Variants in GRM1 observed in about 807,000 individuals in gnomAD.
The protein encoded by GRM1 is metabotropic glutamate receptor 1.
Under a neutral mutation model 90.9 loss-of-function variants are expected in GRM1, and 33 were observed. That is an observed-to-expected ratio of 0.36 (90% CI 0.28 to 0.49). GRM1 has a LOEUF of 0.49. GRM1 is among the 20% of genes least tolerant of loss of function. The pLI is 0.99. For synonymous variants in GRM1, 700 were observed against 613.2 expected, an observed-to-expected ratio of 1.14 and a Z score of -2.09; for missense variants, 1,190 against 1,534.3, an observed-to-expected ratio of 0.78 and a Z score of 3.75.
intron 2 of GRM1, among the ~76,000 whole-genome samples, chr6:146,300,842 C>T (rs928020877): frequency 4.6e-5 from 7 of 152,260 alleles, no homozygotes; most frequent in South Asian, 4.1e-4. Context: ...TAAGAAAGAT[C>T]CTCTACCAGG....
intron 2 of GRM1, among the ~76,000 whole-genome samples, chr6:146,215,246 A>G (rs77998453): frequency 0.014 from 2,129 of 152,318 alleles, 76 homozygotes; most frequent in East Asian, 0.078. Context: ...AAGAGTGTAA[A>G]GGGATCTCAA....
At chr6:146,090,236 C>T (rs1169665360) in intron 1 of GRM1, among the ~76,000 whole-genome samples, 2 of 152,070 alleles carry the variant, frequency 1.3e-5, no homozygotes, top group Non-Finnish European at 2.9e-5. Flanking sequence ...ACTCTTAAAA[C>T]CTTGCCAGCA....
chr6:146,353,013 C>A (rs1021991381), intron 4 of GRM1, among the ~76,000 whole-genome samples: 4 of 152,148 alleles, frequency 2.6e-5, no homozygotes, highest in African/African-American at 4.8e-5. Flanking sequence ...TGTCTTGGAG[C>A]AAGAAAGGAA....
intron 1 of GRM1, among the ~76,000 whole-genome samples, chr6:146,080,249 AT>A (rs1776319185): frequency 6.6e-6 from 1 of 152,184 alleles, no homozygotes; most frequent in Admixed American, 6.6e-5. Flanking sequence ...GAATGTAAGA[AT>A]TTTATGTACA....
chr6:146,140,083 TTTC>T (rs1562488045), intron 1 of GRM1, among the ~76,000 whole-genome samples: 1 of 137,516 alleles, frequency 7.3e-6, no homozygotes, highest in African/African-American at 2.7e-5. Flanking sequence ...TTCTCCTTTC[TTTC>T]TTTATTCTTT....
chr6:146,408,570 T>A (rs7757416), intron 7 of GRM1, among the ~76,000 whole-genome samples: 1,940 of 152,296 alleles, frequency 0.013, 46 homozygotes, highest in African/African-American at 0.045. Flanking sequence ...ATGAAAGTTC[T>A]TATACTATAC....
At chr6:146,394,162 T>TA (rs1776843472) in intron 6 of GRM1, among the ~76,000 whole-genome samples, 2 of 152,162 alleles carry the variant, frequency 1.3e-5, no homozygotes, top group African/African-American at 4.8e-5. Context: ...GTAAAAACTC[T>TA]AGAAGAAAAC....
intron 7 of GRM1, among the ~76,000 whole-genome samples, chr6:146,419,611 C>T (rs370548209): frequency 2.0e-5 from 3 of 152,184 alleles, no homozygotes; most frequent in Non-Finnish European, 4.4e-5. Context: ...AATTGACCCA[C>T]AGTTCCACAG....
At chr6:146,251,870 G>C (rs1781297056) in intron 2 of GRM1, among the ~76,000 whole-genome samples, 1 of 152,112 alleles carries the variant, frequency 6.6e-6, no homozygotes, top group African/African-American at 2.4e-5. Context: ...ATTCTTACCA[G>C]GATGCCTTTG....
At chr6:146,287,156 T>A (rs1782795847) in intron 2 of GRM1, among the ~76,000 whole-genome samples, 1 of 151,980 alleles carries the variant, frequency 6.6e-6, no homozygotes, top group African/African-American at 2.4e-5. Flanking sequence ...CCAAGAGGAG[T>A]TTCTTTGTAA....
chr6:146,406,474 C>T (rs189199668), intron 7 of GRM1, among the ~76,000 whole-genome samples: 2 of 152,114 alleles, frequency 1.3e-5, no homozygotes, highest in Admixed American at 1.3e-4. Context: ...AAGGTGTGTT[C>T]TTCTGGAATT....
rs558604354 is a variant in GRM1 at position 146,044,001 on chromosome 6, T to C, written c.700+13784T>C. Among the ~76,000 whole-genome samples, 6 of 151,822 alleles carry C rather than the reference T, an allele frequency of 4.0e-5. No individual in the cohort carries two copies. The South Asian group carries it at 1.2e-3, about 32-fold the overall frequency. On this transcript the variant is annotated intron_variant, in intron 1 of 7. Coordinates refer to ENST00000282753, the MANE Select transcript of GRM1 (RefSeq NM_001278064.2). Reference sequence around the variant, plus strand: ...GAAGAATCCTTGAGTGTTGATCACATAACAGAAGAGAATCATACTTTTTCA... The same window carrying C: ...GAAGAATCCTTGAGTGTTGATCACACAACAGAAGAGAATCATACTTTTTCA...
chr6:146,132,746 T>A (rs1383734616), intron 1 of GRM1, among the ~76,000 whole-genome samples: 1 of 152,232 alleles, frequency 6.6e-6, no homozygotes, highest in Non-Finnish European at 1.5e-5. Flanking sequence ...GAAGTCTGTC[T>A]TATTCTTAAC....
At chr6:146,087,374 G>C (rs984174455) in intron 1 of GRM1, among the ~76,000 whole-genome samples, 1 of 152,088 alleles carries the variant, frequency 6.6e-6, no homozygotes, top group Non-Finnish European at 1.5e-5. Flanking sequence ...GTCAAAACCA[G>C]GAAACTAACA....
chr6:146,133,546 T>C (rs931554037), intron 1 of GRM1, among the ~76,000 whole-genome samples: 2 of 152,238 alleles, frequency 1.3e-5, no homozygotes, highest in Non-Finnish European at 2.9e-5. Context: ...CATATTCTTA[T>C]GAAAACTACC....
chr6:146,421,599 AAAG>A (rs557716193), intron 7 of GRM1, among the ~76,000 whole-genome samples: 4 of 152,154 alleles, frequency 2.6e-5, no homozygotes, highest in Non-Finnish European at 5.9e-5. Context: ...TTTTCAAAAG[AAAG>A]AAGATTTTAA....
At position 146,301,546 on chromosome 6, in the gene GRM1, G is replaced by A. The variant is rs77152883; in HGVS notation, c.951-3065G>A. ...TGATGGTGACTTTCTTGTACAGACT[G>A]TAAACAAAACAAATTTCACATCTTA... is the stretch of plus-strand genomic sequence containing the variant. On this transcript the variant is annotated intron_variant, in intron 2 of 7. Transcript: ENST00000282753. Among the ~76,000 whole-genome samples, 31 of 152,184 alleles carry A rather than the reference G, an allele frequency of 2.0e-4. No individual in the cohort carries two copies. The East Asian group carries it at 4.1e-3, about 20-fold the overall frequency.
At chr6:146,067,330 A>ATACC (rs1198444446) in intron 1 of GRM1, among the ~76,000 whole-genome samples, 3 of 152,222 alleles carry the variant, frequency 2.0e-5, no homozygotes, top group Non-Finnish European at 4.4e-5. Flanking sequence ...CTGTGAAGGT[A>ATACC]GGCAGTGTAT....
At chr6:146,429,355 C>T (rs989490179) in intron 7 of GRM1, among the ~76,000 whole-genome samples, 1 of 152,122 alleles carries the variant, frequency 6.6e-6, no homozygotes, top group Non-Finnish European at 1.5e-5. Context: ...TCAGATAGGC[C>T]CCCAAGTTTG....
Sources: gnomAD v4.1 joint callset for allele counts (sites outside exome capture counted in the v4.1 genomes callset) on GRCh38, gnomAD v4.1.1 for gene constraint, MANE v1.5 for transcripts, NCBI Gene and HGNC (gene_info 2026-07-23, HGNC 2026-07-21) for gene names.